Variants in STK11IP observed in about 807,000 individuals in gnomAD.
STK11IP encodes the protein serine/threonine kinase 11 interacting protein, also known as serine/threonine-protein kinase 11-interacting protein.
In STK11IP, 103 loss-of-function variants were observed where a neutral mutation model predicts 131.7. The observed-to-expected ratio is 0.78, with a 90% confidence interval of 0.67 to 0.92. The LOEUF (loss-of-function observed/expected upper bound fraction) is 0.92, where lower values mean the gene tolerates loss of function less well. STK11IP is among the 40% of genes least tolerant of loss of function. STK11IP has a pLI of 0.00. For missense variants in STK11IP, 1,315 were observed against 1,385.7 expected, an observed-to-expected ratio of 0.95 and a Z score of 0.81; for synonymous variants, 557 against 575.6, an observed-to-expected ratio of 0.97 and a Z score of 0.46.
chr2:219,616,075 G>C lies in STK11IP; in HGVS notation c.3149G>C (p.Arg1050Pro), dbSNP rs531254740. 1.2e-6 allele frequency: 2 copies of C among 1,613,868 alleles called. No homozygotes were observed. The highest frequency in any genetic ancestry group is 2.2e-5 in the East Asian group (1 of 44,882). Residue 1050 changes from arginine (R) to proline (P), a missense_variant, in exon 25 of 25, where the codon CGT (arginine) becomes CCT (proline). Coordinates refer to ENST00000456909, the MANE Select transcript of STK11IP (RefSeq NM_052902.4). Reference sequence around the variant, plus strand: ...CGGCTGGAGAGCTTTTGGGCACTCCGTGTGGTGTGTCAGGAGCAGCTGACA... The same window carrying C: ...CGGCTGGAGAGCTTTTGGGCACTCCCTGTGGTGTGTCAGGAGCAGCTGACA... ...VSRLESFWAL[R>P]VVCQEQLTAL...
At chr2:219,605,887 G>C (rs1698134631) in intron 8 of STK11IP, 69 bp from the exon 9 acceptor site, 1 of 1,487,844 alleles carries the variant, frequency 6.7e-7, no homozygotes, top group African/African-American at 1.4e-5. Context: ...ACCTCCCCCA[G>C]TGCATGCACC....
chr2:219,603,036 GTTTT>G (rs750626798), intron 7 of STK11IP, among the ~76,000 whole-genome samples: 2 of 118,742 alleles, frequency 1.7e-5, no homozygotes, highest in African/African-American at 6.9e-5. Flanking sequence ...AGAGTACCTG[GTTTT>G]TTTTTTTTTT....
At position 219,609,949 on chromosome 2, in the gene STK11IP, G is replaced by A. The variant is rs377679375; in HGVS notation, c.2104+409G>A. On this transcript the variant is annotated intron_variant, in intron 17 of 24. Transcript: ENST00000456909. Reference sequence around the variant, plus strand: ...CTCTGCCAGCAAGTGTAGCTGTTGAGTGAGATGCTTGGGGAGTTGGCTTGG... The same window carrying A: ...CTCTGCCAGCAAGTGTAGCTGTTGAATGAGATGCTTGGGGAGTTGGCTTGG... 98 of 223,078 alleles carry A rather than the reference G, an allele frequency of 4.4e-4. 1 individual carries two copies. The highest frequency in any genetic ancestry group is 2.0e-3 in the African/African-American group (89 of 44,490). 13.8% of individuals were successfully genotyped at this position (223,078 alleles called of 1,614,324 possible).
At position 219,598,179 on chromosome 2, in the gene STK11IP, C is replaced by G. The variant is rs1282021474; in HGVS notation, c.60C>G (p.Ser20=). Residue 20 remains serine, a splice_region_variant and synonymous_variant, in exon 2 of 25, where the codon TCC becomes TCG. Coordinates refer to ENST00000456909, the MANE Select transcript of STK11IP (RefSeq NM_052902.4). The part of the protein sequence containing the change: ...LWKLAGLLRE[S]GDVVLSGCST... ...AGCTCGCGGGGTTGCTGCGGGAGTC[C>G]GGTGAGTGGACTTCCGGTTGGGCTG... The G allele has an allele frequency of 1.3e-6, 2 of 1,551,606 alleles. No individual in the cohort carries two copies. Among genetic ancestry groups the G allele is most frequent in the African/African-American group, 1.4e-5 (1 of 72,922 alleles).
intron 2 of STK11IP, among the ~76,000 whole-genome samples, chr2:219,600,358 C>T (rs1697947607): frequency 6.6e-6 from 1 of 152,138 alleles, no homozygotes; most frequent in African/African-American, 2.4e-5. Context: ...GCCTTGCTCC[C>T]AAAGTGCTGG....
intron 24 of STK11IP, 56 bp downstream of exon 24, chr2:219,615,397 G>A: frequency 6.4e-7 from 1 of 1,558,108 alleles, no homozygotes; most frequent in Middle Eastern, 2.3e-4. Flanking sequence ...AGCACAGGTT[G>A]GGGCCATGAG....
At chr2:219,614,797 G>A (rs1698520762) in intron 23 of STK11IP, 1 of 658,790 alleles carries the variant, frequency 1.5e-6, no homozygotes, top group South Asian at 1.7e-5. Context: ...TTTCTATGAA[G>A]TGGAGCAGCG....
chr2:219,607,848 G>A (rs1483199065), intron 13 of STK11IP, among the ~76,000 whole-genome samples, 199 bp from the exon 14 acceptor site: 2 of 152,170 alleles, frequency 1.3e-5, no homozygotes, highest in African/African-American at 2.4e-5. Flanking sequence ...CATAGGATGC[G>A]CAGCTTGGAT....
rs1163464074 is a variant in STK11IP at position 219,605,655 on chromosome 2, T to C, written c.666T>C (p.His222=). 2 of 1,557,492 alleles carry C rather than the reference T, an allele frequency of 1.3e-6. No individual in the cohort carries two copies. Among genetic ancestry groups the C allele is most frequent in the Middle Eastern group, 1.7e-4 (1 of 5,996 alleles). ...TGGACATCTCCTATAATCGCCTGCATTTGGTGCCAAGAATGGGACCCTCAG... is the reference window on the plus strand; with the variant it reads ...TGGACATCTCCTATAATCGCCTGCACTTGGTGCCAAGAATGGGACCCTCAG... ...HHLDISYNRL[H]LVPRMGPSGA... The change falls in exon 8 of 25, where the codon CAT becomes CAC. Residue 222 remains histidine (H), a synonymous_variant. Coordinates refer to ENST00000456909, the MANE Select transcript of STK11IP (RefSeq NM_052902.4).
At chr2:219,615,012 C>T (rs1468033376) in intron 23 of STK11IP, 82 bp from the exon 24 acceptor site, 3 of 1,493,556 alleles carry the variant, frequency 2.0e-6, no homozygotes, top group Non-Finnish European at 2.7e-6. Flanking sequence ...CACACCTCTT[C>T]TCCCCAGCAG....
rs753068440 is a variant in STK11IP, at chr2:219,613,253, A to T, written c.2537+28A>T. 4 of 962,444 alleles carry T rather than the reference A, an allele frequency of 4.2e-6. No homozygotes were observed. The East Asian group carries it at 1.3e-4, about 32-fold the overall frequency. 59.6% of individuals were successfully genotyped at this position (962,444 alleles called of 1,614,324 possible). On this transcript the variant is annotated intron_variant, in intron 20 of 24. Transcript: ENST00000456909. ...GAGTGAGAGGGGAGATGCAGTGAGT[A>T]AGGGGGGAGATGGGGTGAGTTGGGG...
chr2:219,612,623 A>T (rs906614137), intron 19 of STK11IP, among the ~76,000 whole-genome samples: 1 of 152,210 alleles, frequency 6.6e-6, no homozygotes, highest in Non-Finnish European at 1.5e-5. Context: ...TGTCTTAGGT[A>T]AAGGAAGCCG....
At chr2:219,613,665 T>C in intron 20 of STK11IP, 87 bp from the exon 21 acceptor site, 2 of 1,506,656 alleles carry the variant, frequency 1.3e-6, no homozygotes, top group Non-Finnish European at 1.8e-6. Flanking sequence ...ATGCAGTGAG[T>C]GAGGCAGGTG....
intron 20 of STK11IP, 62 bp downstream of exon 20, chr2:219,613,287 G>GGTGAGTTGGGGGGAGAT: frequency 7.4e-6 from 1 of 135,658 alleles, no homozygotes; most frequent in Middle Eastern, 3.1e-3. Flanking sequence ...GGGGAGATGG[G>GGTGAGTTGGGGGGAGAT]GGAGTGAGGG....
At chr2:219,608,876 A>C in intron 15 of STK11IP, 88 bp downstream of exon 15, 1 of 1,391,234 alleles carries the variant, frequency 7.2e-7, no homozygotes, top group South Asian at 1.4e-5. Flanking sequence ...CATTTCTTTC[A>C]GTCTCTCCTT....
intron 19 of STK11IP, among the ~76,000 whole-genome samples, chr2:219,612,633 G>A (rs772988716): frequency 5.9e-5 from 9 of 152,184 alleles, no homozygotes; most frequent in Non-Finnish European, 1.0e-4. Flanking sequence ...AAAGGAAGCC[G>A]CAAATGCATG....
At chr2:219,612,967 T>A (rs1024319146) in intron 19 of STK11IP, 161 bp from the exon 20 acceptor site, 2 of 607,060 alleles carry the variant, frequency 3.3e-6, no homozygotes, top group Non-Finnish European at 6.0e-6. Context: ...AGAGCGGTGG[T>A]GGATGAAGAG....
chr2:219,611,075 G>A (rs1193592081), intron 17 of STK11IP, among the ~76,000 whole-genome samples: 2 of 152,104 alleles, frequency 1.3e-5, no homozygotes, highest in Non-Finnish European at 2.9e-5. Flanking sequence ...TGACACTAAG[G>A]ATGAGTATAA....
Position 219,602,533 on chromosome 2 carries a change from C to T in STK11IP, c.504C>T (p.Ala168=). The T allele has an allele frequency of 6.2e-7, 1 of 1,614,032 alleles. No individual in the cohort carries two copies. Among genetic ancestry groups the T allele is most frequent in the South Asian group, 1.1e-5 (1 of 91,088 alleles). The change falls in exon 6 of 25, where the codon GCC becomes GCT. Residue 168 remains alanine (A), a synonymous_variant. Coordinates refer to ENST00000456909, the MANE Select transcript of STK11IP (RefSeq NM_052902.4). ...TCCCTTGGCTGGCTCTGCTTTCTGC[C>T]AACTTCAGCTACAATGCACTGACCG... is the stretch of plus-strand genomic sequence containing the variant. ...SALPWLALLS[A]NFSYNALTAL...
Sources: allele counts gnomAD v4.1 joint callset (sites outside exome capture counted in the v4.1 genomes callset), GRCh38; gene constraint gnomAD v4.1.1; transcripts MANE v1.5; gene names NCBI Gene and HGNC (gene_info 2026-07-23, HGNC 2026-07-21).